AMOTL2: variants seen among roughly 807,000 people sequenced by gnomAD.
AMOTL2 encodes the protein angiomotin like 2.
In AMOTL2, 33 loss-of-function variants were observed where a neutral mutation model predicts 78.4. The ratio of observed to expected loss-of-function variants is 0.42; its 90% confidence interval spans 0.32 to 0.56. The LOEUF (loss-of-function observed/expected upper bound fraction) is 0.56. Among genes scored for constraint, AMOTL2 ranks in the 20% least tolerant of loss-of-function variants. The pLI, the probability that AMOTL2 is intolerant of heterozygous loss-of-function variation, is 0.12. For synonymous variants in AMOTL2, 422 were observed against 428.8 expected (o/e 0.98, Z 0.20); for missense variants, 983 against 1,030.1 (o/e 0.95, Z 0.63).
intron 5 of AMOTL2, among the ~76,000 whole-genome samples, chr3:134,363,463 G>A (rs1225583469): frequency 2.0e-5 from 3 of 152,208 alleles, no homozygotes; most frequent in Non-Finnish European, 4.4e-5. Context: ...AGTTTGCCCA[G>A]GGCCTGCATC....
chr3:134,374,572 G>T (rs1419701091), upstream of AMOTL2: 2 of 984,946 alleles, frequency 2.0e-6, no homozygotes, highest in Non-Finnish European at 2.4e-6. Context: ...ACCTCTCAGC[G>T]CACCGCCCTC....
chr3:134,375,378 A>G, upstream of AMOTL2: 1 of 822,304 alleles, frequency 1.2e-6, no homozygotes, highest in Non-Finnish European at 2.0e-6. Context: ...ACCAGGGCTC[A>G]GAGAGCTTAA....
At chr3:134,373,740 A>G (rs1166745654) in intron 1 of AMOTL2, 11 of 985,426 alleles carry the variant, frequency 1.1e-5, no homozygotes, top group Non-Finnish European at 1.1e-5. Context: ...GGGTAGCCCG[A>G]GGCCCGGAGA....
At position 134,360,325 on chromosome 3, in the gene AMOTL2, T is replaced by A. The variant is rs757068719; in HGVS notation, c.1664A>T (p.Lys555Met). Residue 555 changes from lysine to methionine, a missense_variant, in exon 7 of 10, where the codon AAG becomes ATG. Lys to Met is a moderately conservative substitution (Grantham distance 95). Coordinates refer to ENST00000249883, the MANE Select transcript of AMOTL2 (RefSeq NM_016201.4). ...ALRLSEQLRE[K>M]EEQILALEAD... ...CTCCAGCGCCAGGATCTGCTCCTCC[T>A]TCTCTCGCAGTTGTTCTGACAGTCG... 3.1e-6 allele frequency: 5 copies of A among 1,614,106 alleles called. No individual in the cohort carries two copies. In the East Asian group the frequency reaches 1.1e-4, roughly 36 times the overall value.
chr3:134,373,553 C>T lies in AMOTL2; in HGVS notation c.-62+789G>A, dbSNP rs920790101. The T allele has an allele frequency of 1.0e-5, 10 of 985,478 alleles. No individual in the cohort carries two copies. In the African/African-American group the frequency reaches 1.7e-4, roughly 17 times the overall value. 61.0% of individuals were successfully genotyped at this position (985,478 alleles called of 1,614,324 possible). On this transcript the variant is annotated intron_variant, in intron 1 of 9. Transcript: ENST00000249883. Reference sequence around the variant, plus strand: ...CGCCCGCTGCGCTCTCTGAAGGCCGCCTTTCTAAGCCAGCGCGCGTCTCCA... The same window carrying T: ...CGCCCGCTGCGCTCTCTGAAGGCCGTCTTTCTAAGCCAGCGCGCGTCTCCA...
chr3:134,366,363 C>A lies in AMOTL2; in HGVS notation c.1106G>T (p.Arg369Leu). The change falls in exon 4 of 10, where the codon CGT (arginine) becomes CTT (leucine). Residue 369 changes from arginine to leucine, a missense_variant. Physicochemically the swap from Arg to Leu is moderately radical, Grantham distance 102. Coordinates refer to ENST00000249883, the MANE Select transcript of AMOTL2 (RefSeq NM_016201.4). ...CCGCATGGTCTTCTCCAGGGCCTCA[C>A]GCTTGGAGGAGGCTCTGGTCAGGCT... Reference protein sequence around the residue: ...HESLTRASSKREALEKTMRNK... With the variant: ...HESLTRASSKLEALEKTMRNK... 1 of 1,614,124 alleles carries A rather than the reference C, an allele frequency of 6.2e-7. No individual in the cohort carries two copies. Among genetic ancestry groups the A allele is most frequent in the South Asian group, 1.1e-5 (1 of 91,074 alleles).
intron 1 of AMOTL2, chr3:134,373,464 T>C: frequency 2.0e-6 from 2 of 985,430 alleles, no homozygotes; most frequent in Non-Finnish European, 2.4e-6. Context: ...CTTTCAGACA[T>C]CAAACGCCTG....
intron 1 of AMOTL2, 39 bp from the exon 2 acceptor site, chr3:134,371,533 A>G (rs760160621): frequency 1.3e-6 from 2 of 1,558,766 alleles, no homozygotes; most frequent in Non-Finnish European, 1.7e-6. Flanking sequence ...AAAAGCAATC[A>G]GTGGGAACCC....
At chr3:134,362,463 T>C (rs951787606) in intron 5 of AMOTL2, among the ~76,000 whole-genome samples, 14 of 151,884 alleles carry the variant, frequency 9.2e-5, no homozygotes, top group Non-Finnish European at 1.6e-4. Flanking sequence ...GGTGAGGCGT[T>C]TGTACTTATA....
intron 5 of AMOTL2, among the ~76,000 whole-genome samples, chr3:134,365,054 G>A (rs187033089): frequency 6.6e-6 from 1 of 152,100 alleles, no homozygotes; most frequent in East Asian, 1.9e-4. Context: ...CCTCTCTCAG[G>A]CCACCGGGGC....
chr3:134,372,899 G>GAATCCA (rs1054404961), intron 1 of AMOTL2, among the ~76,000 whole-genome samples: 71 of 117,346 alleles, frequency 6.1e-4, no homozygotes, highest in African/African-American at 2.1e-3. Flanking sequence ...AAACTAAACA[G>GAATCCA]AATCCACACT....
chr3:134,365,940 G>A lies in AMOTL2; in HGVS notation c.1187-31C>T, dbSNP rs765903266. The A allele has an allele frequency of 2.5e-6, 4 of 1,604,876 alleles. No homozygotes were observed. In the Admixed American group the frequency reaches 6.7e-5, roughly 27 times the overall value. On this transcript the variant is annotated intron_variant, in intron 4 of 9. Coordinates refer to ENST00000249883, the MANE Select transcript of AMOTL2 (RefSeq NM_016201.4). ...TCAAGGGAAGGAAAGATGTTTTAGT[G>A]TCAGGTGAAGCTGCCAGCTTGGGAT...
At chr3:134,366,076 G>C (rs950866503) in intron 4 of AMOTL2, among the ~76,000 whole-genome samples, 167 bp from the exon 5 acceptor site, 1 of 152,172 alleles carries the variant, frequency 6.6e-6, no homozygotes, top group African/African-American at 2.4e-5. Context: ...CCTCTGTCAA[G>C]AGCCATCATC....
rs747135063 is a variant in AMOTL2, at chr3:134,360,345, C to G, written c.1644G>C (p.Leu548=). 2 of 1,614,054 alleles carry G rather than the reference C, an allele frequency of 1.2e-6. No homozygotes were observed. Among genetic ancestry groups the G allele is most frequent in the African/African-American group, 1.3e-5 (1 of 74,944 alleles). The change falls in exon 7 of 10, where the codon CTG becomes CTC. Residue 548 remains leucine, a synonymous_variant. Transcript: ENST00000249883. ...CCTCCTTCTCTCGCAGTTGTTCTGA[C>G]AGTCGCAGGGCGCTGAGCTCTGGAG... The part of the protein sequence containing the change: ...GGSPELSALR[L]SEQLREKEEQ...
rs1340683357 is a variant in AMOTL2, at chr3:134,358,661, T to G, written c.2163A>C (p.Lys721Asn). ...GGGTGCTCCCATCTCTGCTCCCGTG[T>G]TTGGCATGGGCAGCAGGGGGAGCTG... ...VVTAPPAAHA[K>N]HGSRDGSTQT... is the part of the protein sequence containing the mutation. The change falls in exon 9 of 10, where the codon AAA (lysine) becomes AAC (asparagine). Residue 721 changes from lysine to asparagine, a missense_variant. By Grantham distance (94) the Lys-to-Asn change is moderately conservative. Transcript: ENST00000249883. 1 of 1,613,808 alleles carries G rather than the reference T, an allele frequency of 6.2e-7. No individual in the cohort carries two copies. The highest frequency in any genetic ancestry group is 1.1e-5 in the South Asian group (1 of 91,064).
In AMOTL2 at chr3:134,356,595, GT is replaced by G. The variant is rs1320727547; in HGVS notation, c.*1109del. 1 of 152,662 alleles carries G rather than the reference GT, an allele frequency of 6.6e-6. No homozygotes were observed. The highest frequency in any genetic ancestry group is 1.5e-5 in the Non-Finnish European group (1 of 68,060). The allele number at this position is 152,662 out of a possible 1,614,324, so 9.5% of individuals were successfully genotyped here. A position where few individuals can be genotyped will look rare whatever the true frequency, so the allele number is the denominator to read the frequency against. ...TTTGACTCTTGTAGCTCATTAACTAGTTTTCAACTGCTTTGCTCCTCTCCCA... is the reference window on the plus strand; with the variant it reads ...TTTGACTCTTGTAGCTCATTAACTAGTTTCAACTGCTTTGCTCCTCTCCCA... On this transcript the variant is annotated 3_prime_UTR_variant, in exon 10 of 10. Coordinates refer to ENST00000249883, the MANE Select transcript of AMOTL2 (RefSeq NM_016201.4).
At position 134,361,607 on chromosome 3, in the gene AMOTL2, C is replaced by G. The variant is rs759361322; in HGVS notation, c.1480G>C (p.Gly494Arg). ...TTCTCACAGGCTGCCTGCAGCTGCC[C>G]GAGCGCCTGCTGCAGCCGCTCCACT... Reference protein sequence around the residue: ...EKVERLQQALGQLQAACEKRE... With the variant: ...EKVERLQQALRQLQAACEKRE... The change falls in exon 6 of 10, where the codon GGG (glycine) becomes CGG (arginine). Residue 494 changes from glycine (G) to arginine (R), a missense_variant. Physicochemically the swap from Gly to Arg is moderately radical, Grantham distance 125. Coordinates refer to ENST00000249883, the MANE Select transcript of AMOTL2 (RefSeq NM_016201.4). The G allele has an allele frequency of 1.2e-6, 2 of 1,612,918 alleles. No individual in the cohort carries two copies. Among genetic ancestry groups the G allele is most frequent in the East Asian group, 2.2e-5 (1 of 44,888 alleles).
intron 2 of AMOTL2, among the ~76,000 whole-genome samples, chr3:134,369,034 CCT>C (rs1480178736): frequency 6.6e-6 from 1 of 152,164 alleles, no homozygotes; most frequent in African/African-American, 2.4e-5. Flanking sequence ...CCAGCCTGCC[CCT>C]GACTCTTGCT....
At chr3:134,366,484 G>A (rs1189030726) in intron 3 of AMOTL2, 57 bp from the exon 4 acceptor site, 15 of 1,556,974 alleles carry the variant, frequency 9.6e-6, no homozygotes, top group Admixed American at 1.9e-5. Context: ...GGAGTGATTC[G>A]AGGCTGACCC....
Sources: allele counts gnomAD v4.1 joint callset (sites outside exome capture counted in the v4.1 genomes callset), GRCh38; gene constraint gnomAD v4.1.1; transcripts MANE v1.5; gene names NCBI Gene and HGNC (gene_info 2026-07-23, HGNC 2026-07-21).